Variants in VPS13B observed in about 807,000 individuals in gnomAD.
VPS13B encodes the protein intermembrane lipid transfer protein VPS13B.
A neutral mutation model predicts 426.4 loss-of-function variants in VPS13B; 285 were observed. That is an observed-to-expected ratio of 0.67 (90% CI 0.61 to 0.74). The LOEUF is 0.74. Ranked by LOEUF, VPS13B falls within the 30% of genes least tolerant of loss-of-function variation. VPS13B has a pLI of 0.00. For missense variants in VPS13B, 4,537 were observed against 4,782.6 expected (o/e 0.95, Z 1.51); for synonymous variants, 1,676 against 1,676.4 (o/e 1.00, Z 0.01).
chr8:99,180,949 A>G (rs566757871), intron 16 of VPS13B, among the ~76,000 whole-genome samples: 1 of 152,300 alleles, frequency 6.6e-6, no homozygotes, highest in African/African-American at 2.4e-5. Context: ...TTGTGACACC[A>G]GTGGTGGAAA....
intron 24 of VPS13B, 56 bp downstream of exon 24, chr8:99,467,690 T>C (rs1405174313): frequency 6.4e-7 from 1 of 1,552,502 alleles, no homozygotes; most frequent in East Asian, 2.2e-5. Context: ...TAAAAGCAAT[T>C]GTTATCCATT....
chr8:99,219,122 T>A (rs1308714017), intron 17 of VPS13B, among the ~76,000 whole-genome samples: 2 of 152,178 alleles, frequency 1.3e-5, no homozygotes, highest in African/African-American at 4.8e-5. Flanking sequence ...AGTCTTTAAA[T>A]CTGCCACTCT....
chr8:99,203,957 A>ATGC (rs1347017737), intron 17 of VPS13B, among the ~76,000 whole-genome samples: 10 of 152,110 alleles, frequency 6.6e-5, no homozygotes, highest in Non-Finnish European at 1.5e-5. Flanking sequence ...TAGATTCAGT[A>ATGC]TATCCCCATC....
At chr8:99,136,034 G>A (rs1459686669) in intron 11 of VPS13B, among the ~76,000 whole-genome samples, 1 of 151,932 alleles carries the variant, frequency 6.6e-6, no homozygotes, top group Non-Finnish European at 1.5e-5. Flanking sequence ...TGGGATTGAT[G>A]TAAAGAAATG....
In VPS13B at chr8:99,211,741, C is replaced by T. The variant is rs540307890; in HGVS notation, c.2515+18684C>T. On this transcript the variant is annotated intron_variant, in intron 17 of 61. Transcript: ENST00000357162. ...GCAGTGAGCCAAGATCGCGCCACTGCACTCCAGCCTGGCGACAGAGAGAGA... is the reference window on the plus strand; with the variant it reads ...GCAGTGAGCCAAGATCGCGCCACTGTACTCCAGCCTGGCGACAGAGAGAGA... Among the ~76,000 whole-genome samples, 3 of 152,196 alleles carry T rather than the reference C, an allele frequency of 2.0e-5. No individual in the cohort carries two copies. In the South Asian group the frequency reaches 6.2e-4, roughly 32 times the overall value.
At chr8:99,351,813 A>G (rs575494191) in intron 19 of VPS13B, among the ~76,000 whole-genome samples, 1 of 152,212 alleles carries the variant, frequency 6.6e-6, no homozygotes, top group East Asian at 1.9e-4. Flanking sequence ...TGTTCAGTAA[A>G]CCTTTGTTAT....
rs746102856 is a variant in VPS13B at position 99,817,810 on chromosome 8, A to C, written c.8361+7A>C. 6.2e-7 allele frequency: 1 copy of C among 1,614,058 alleles called. No individual in the cohort carries two copies. The highest frequency in any genetic ancestry group is 8.5e-7 in the Non-Finnish European group (1 of 1,179,970). On this transcript the variant is annotated splice_region_variant and intron_variant, in intron 45 of 61. Coordinates refer to ENST00000357162, the MANE Select transcript of VPS13B (RefSeq NM_152564.5). ...GTACAGCATTGTCATTCAGGTTTGAAAAGACGTTCAATCTAGAATAGAGCA... is the reference window on the plus strand; with the variant it reads ...GTACAGCATTGTCATTCAGGTTTGACAAGACGTTCAATCTAGAATAGAGCA...
At chr8:99,813,028 T>C (rs1295662209) in intron 44 of VPS13B, among the ~76,000 whole-genome samples, 1 of 152,198 alleles carries the variant, frequency 6.6e-6, no homozygotes, top group Non-Finnish European at 1.5e-5. Flanking sequence ...TAAATTAATC[T>C]TGAAATTCTA....
chr8:99,646,023 G>A (rs1007731312), intron 34 of VPS13B, among the ~76,000 whole-genome samples: 6 of 152,108 alleles, frequency 3.9e-5, no homozygotes, highest in African/African-American at 1.2e-4. Context: ...GTAAGTTGGG[G>A]GTGGCTAGCT....
chr8:99,097,361 T>G (rs1846483883), intron 4 of VPS13B, among the ~76,000 whole-genome samples: 1 of 152,200 alleles, frequency 6.6e-6, no homozygotes, highest in African/African-American at 2.4e-5. Flanking sequence ...AATTATTGTT[T>G]AGTGGAGACA....
intron 4 of VPS13B, among the ~76,000 whole-genome samples, chr8:99,102,452 A>C (rs1352278857): frequency 6.6e-6 from 1 of 152,156 alleles, no homozygotes; most frequent in Admixed American, 6.5e-5. Context: ...TGTTTCTTCT[A>C]TCCGAGGCAT....
At chr8:99,016,021 CT>C (rs1444574808) in intron 2 of VPS13B, among the ~76,000 whole-genome samples, 2 of 152,182 alleles carry the variant, frequency 1.3e-5, no homozygotes, top group African/African-American at 4.8e-5. Flanking sequence ...TTATGTTTGG[CT>C]TTTTTCTTTC....
chr8:99,763,135 C>CAAAAAAAAAAAA (rs750289763), intron 39 of VPS13B, among the ~76,000 whole-genome samples: 25 of 35,834 alleles, frequency 7.0e-4, no homozygotes, highest in African/African-American at 2.9e-3. Context: ...GACCTTGTCT[C>CAAAAAAAAAAAA]AAAAAAAAAA....
intron 4 of VPS13B, among the ~76,000 whole-genome samples, chr8:99,100,422 C>G (rs928799123): frequency 2.0e-5 from 3 of 152,108 alleles, no homozygotes; most frequent in African/African-American, 4.8e-5. Flanking sequence ...TCCTGAGTAG[C>G]TGGGACTAAA....
At chr8:99,087,618 T>G (rs903028601) in intron 3 of VPS13B, among the ~76,000 whole-genome samples, 26 of 150,912 alleles carry the variant, frequency 1.7e-4, no homozygotes, top group African/African-American at 3.9e-4. Flanking sequence ...TTTTTTTGTT[T>G]TTTTTTTTTT....
chr8:99,411,382 A>G (rs2133358586), intron 21 of VPS13B, among the ~76,000 whole-genome samples: 1 of 152,260 alleles, frequency 6.6e-6, no homozygotes, highest in Non-Finnish European at 1.5e-5. Flanking sequence ...GTCTGTTCAT[A>G]TCCTTTGCCC....
intron 25 of VPS13B, among the ~76,000 whole-genome samples, chr8:99,492,136 G>T (rs541603165): frequency 6.6e-6 from 1 of 152,176 alleles, no homozygotes; most frequent in Non-Finnish European, 1.5e-5. Context: ...CTGCAGGTCT[G>T]TTGGAATTTA....
intron 35 of VPS13B, chr8:99,697,620 A>C (rs1448042991): frequency 1.6e-6 from 1 of 636,052 alleles, no homozygotes; most frequent in African/African-American, 1.8e-5. Context: ...AAAATATGTG[A>C]AAGCATCTAA....
At chr8:99,334,295 T>G (rs1810701111) in intron 19 of VPS13B, among the ~76,000 whole-genome samples, 1 of 152,100 alleles carries the variant, frequency 6.6e-6, no homozygotes. Context: ...ATTCTTGTTT[T>G]AATTTGTGCT....
Sources: allele counts gnomAD v4.1 joint callset (sites outside exome capture counted in the v4.1 genomes callset), GRCh38; gene constraint gnomAD v4.1.1; transcripts MANE v1.5; gene names NCBI Gene and HGNC (gene_info 2026-07-23, HGNC 2026-07-21).